Variants in KIFAP3 observed in about 807,000 individuals in gnomAD.
KIFAP3 encodes the protein kinesin associated protein 3, also known as kinesin-associated protein 3.
A neutral mutation model predicts 106.5 loss-of-function variants in KIFAP3; 68 were observed. That is an observed-to-expected ratio of 0.64 (90% CI 0.53 to 0.78). The LOEUF (loss-of-function observed/expected upper bound fraction) is 0.78, where lower values mean the gene tolerates loss of function less well. KIFAP3 is among the 30% of genes least tolerant of loss of function. KIFAP3 has a pLI of 0.00. For missense variants in KIFAP3, 780 were observed against 941.8 expected (o/e 0.83, Z 2.25); for synonymous variants, 320 against 311.5 (o/e 1.03, Z -0.29).
intron 1 of KIFAP3, among the ~76,000 whole-genome samples, chr1:170,074,115 G>A (rs1671820122): frequency 6.6e-6 from 1 of 151,926 alleles, no homozygotes; most frequent in Admixed American, 6.6e-5. Flanking sequence ...TGGAGAGTCT[G>A]GGAAGAGGCG....
At chr1:169,965,657 T>G (rs1189365569) in intron 17 of KIFAP3, among the ~76,000 whole-genome samples, 1 of 152,046 alleles carries the variant, frequency 6.6e-6, no homozygotes, top group Non-Finnish European at 1.5e-5. Context: ...AACAAAAATA[T>G]ATCTAATAAA....
At chr1:170,010,885 T>C (rs761436282) in intron 10 of KIFAP3, among the ~76,000 whole-genome samples, 25 of 152,018 alleles carry the variant, frequency 1.6e-4, no homozygotes, top group African/African-American at 2.2e-4. Flanking sequence ...AGTTCTACCA[T>C]GTGCATTAGC....
intron 10 of KIFAP3, among the ~76,000 whole-genome samples, chr1:170,000,625 T>A (rs991785823): frequency 2.6e-5 from 4 of 152,186 alleles, no homozygotes; most frequent in African/African-American, 9.6e-5. Flanking sequence ...CTTTGATACA[T>A]GTTTCCATAT....
intron 16 of KIFAP3, among the ~76,000 whole-genome samples, chr1:169,975,985 G>C (rs1666203806): frequency 6.6e-6 from 1 of 152,048 alleles, no homozygotes; most frequent in South Asian, 2.1e-4. Context: ...AATTAAACTT[G>C]GGGGAAAATG....
At chr1:169,953,135 A>C (rs1193730394) in intron 19 of KIFAP3, among the ~76,000 whole-genome samples, 1 of 152,160 alleles carries the variant, frequency 6.6e-6, no homozygotes, top group African/African-American at 2.4e-5. Context: ...TGATATGAAG[A>C]GAAAAATATT....
chr1:170,078,741 G>A (rs1241468136), upstream of KIFAP3, among the ~76,000 whole-genome samples: 1 of 152,082 alleles, frequency 6.6e-6, no homozygotes, highest in African/African-American at 2.4e-5. Flanking sequence ...AAGTAATTAA[G>A]ATAATGTCAA....
chr1:170,048,896 G>T (rs990294109), intron 2 of KIFAP3, among the ~76,000 whole-genome samples: 4 of 152,116 alleles, frequency 2.6e-5, no homozygotes, highest in Non-Finnish European at 5.9e-5. Context: ...CACAAAACTG[G>T]GTGGCTGTTT....
intron 9 of KIFAP3, among the ~76,000 whole-genome samples, chr1:170,023,419 C>G (rs1048182875): frequency 1.3e-5 from 2 of 152,022 alleles, no homozygotes; most frequent in African/African-American, 2.4e-5. Flanking sequence ...GGAGAAGCCA[C>G]TTTTGCCAGT....
chr1:169,992,739 T>C (rs1367560655), intron 10 of KIFAP3, among the ~76,000 whole-genome samples: 3 of 152,100 alleles, frequency 2.0e-5, no homozygotes, highest in Admixed American at 6.6e-5. Flanking sequence ...GACTATAAAA[T>C]GCTATAGGCT....
At chr1:169,979,883 C>T (rs1666422095) in intron 15 of KIFAP3, among the ~76,000 whole-genome samples, 3 of 152,082 alleles carry the variant, frequency 2.0e-5, no homozygotes, top group Admixed American at 2.0e-4. Context: ...CTCTACTATC[C>T]ATCAGTAGTA....
At chr1:170,016,402 A>C in intron 10 of KIFAP3, 60 bp downstream of exon 10, 1 of 1,396,940 alleles carries the variant, frequency 7.2e-7, no homozygotes, top group Non-Finnish European at 9.9e-7. Flanking sequence ...CACAGAGCTC[A>C]ATTTTCCAGC....
At position 170,046,742 on chromosome 1, in the gene KIFAP3, G is replaced by A; in HGVS notation, c.289C>T (p.Gln97Ter). The A allele has an allele frequency of 6.3e-7, 1 of 1,593,268 alleles. No homozygotes were observed. Among genetic ancestry groups the A allele is most frequent in the South Asian group, 1.1e-5 (1 of 87,380 alleles). ...NEVEQLLYYLQNRRDSLSGKE... is the reference protein window; with the variant it reads ...NEVEQLLYYL ...CCTGACAATGAATCACGGCGGTTCT[G>A]TAGATAGTACAACAGCTGTTCTACC... Residue 97 changes from glutamine to a stop codon, truncating the protein, a stop_gained, in exon 3 of 20, where the codon CAG becomes TAG. Transcript: ENST00000361580. LOFTEE classifies it high-confidence loss of function.
At chr1:170,031,451 T>C (rs1669406895) in intron 8 of KIFAP3, among the ~76,000 whole-genome samples, 1 of 151,728 alleles carries the variant, frequency 6.6e-6, no homozygotes, top group South Asian at 2.1e-4. Flanking sequence ...CAAGAAACCA[T>C]ACTATTGAAG....
chr1:169,982,682 G>C lies in KIFAP3; in HGVS notation c.1672+20C>G. On this transcript the variant is annotated intron_variant, in intron 14 of 19. Transcript: ENST00000361580. Reference sequence around the variant, plus strand: ...GAAATAACTTAGTGATTATACAAAAGTGAAATACTTAGCACAAACCTGGTT... The same window carrying C: ...GAAATAACTTAGTGATTATACAAAACTGAAATACTTAGCACAAACCTGGTT... 1 of 1,496,900 alleles carries C rather than the reference G, an allele frequency of 6.7e-7. No individual in the cohort carries two copies. The highest frequency in any genetic ancestry group is 9.1e-7 in the Non-Finnish European group (1 of 1,104,612). 92.7% of individuals were successfully genotyped at this position (1,496,900 alleles called of 1,614,324 possible).
At chr1:169,973,105 G>GTGTGTGTATATATATATATATATA (rs145406203) in intron 16 of KIFAP3, among the ~76,000 whole-genome samples, 7 of 90,312 alleles carry the variant, frequency 7.8e-5, no homozygotes, top group African/African-American at 3.2e-4. Context: ...AAAATAGTGT[G>GTGTGTGTATATATATATATATATA]TATATATATA....
intron 10 of KIFAP3, among the ~76,000 whole-genome samples, chr1:170,007,371 G>A (rs1250591250): frequency 6.6e-6 from 1 of 151,140 alleles, no homozygotes; most frequent in Non-Finnish European, 1.5e-5. Context: ...AGGGAGAGAG[G>A]GCATATTAAT....
chr1:170,013,623 A>G (rs1223036995), intron 10 of KIFAP3, among the ~76,000 whole-genome samples: 1 of 152,018 alleles, frequency 6.6e-6, no homozygotes, highest in Non-Finnish European at 1.5e-5. Context: ...TGTGCTCTGG[A>G]ATACCACAGT....
At chr1:170,035,172 T>C (rs777400248) in intron 6 of KIFAP3, among the ~76,000 whole-genome samples, 8 of 152,054 alleles carry the variant, frequency 5.3e-5, no homozygotes, top group Non-Finnish European at 1.2e-4. Context: ...TTTTAATTTT[T>C]AATTCATTTA....
At position 170,016,541 on chromosome 1, in the gene KIFAP3, T is replaced by C. The variant is rs1276337080; in HGVS notation, c.1104A>G (p.Leu368=). Residue 368 remains leucine (L), a synonymous_variant, in exon 10 of 20, where the codon TTA becomes TTG. Coordinates refer to ENST00000361580, the MANE Select transcript of KIFAP3 (RefSeq NM_014970.4). ...GTCCTGTGTCAAAGGATAGGTTTAG[T>C]AAAAGTCGGAGGGTGATATTCAGCA... ...EDLLNITLRL[L]LNLSFDTGLR... is the part of the protein sequence containing the mutation. 1.2e-6 allele frequency: 2 copies of C among 1,609,354 alleles called. No homozygotes were observed. Among genetic ancestry groups the C allele is most frequent in the Admixed American group, 1.7e-5 (1 of 59,306 alleles).
Sources: gnomAD v4.1 joint callset for allele counts (sites outside exome capture counted in the v4.1 genomes callset) on GRCh38, gnomAD v4.1.1 for gene constraint, MANE v1.5 for transcripts, NCBI Gene and HGNC (gene_info 2026-07-23, HGNC 2026-07-21) for gene names.